Variants in GPR149 observed in about 807,000 individuals in gnomAD.
GPR149 encodes probable G protein-coupled receptor 149.
GPR149 carries 50 observed loss-of-function variants against 50.2 expected under a neutral mutation model. That is an observed-to-expected ratio of 1.00 (90% CI 0.79 to 1.26). The LOEUF (loss-of-function observed/expected upper bound fraction) is 1.26, where lower values mean the gene tolerates loss of function less well. Among genes scored for constraint, GPR149 ranks in the 50% most tolerant of loss-of-function variants. The pLI is 0.00. For synonymous variants in GPR149, 405 were observed against 358.2 expected, an observed-to-expected ratio of 1.13 and a Z score of -1.48; for missense variants, 983 against 895.4, an observed-to-expected ratio of 1.10 and a Z score of -1.25.
At chr3:154,419,542 A>C (rs1576930214) in intron 3 of GPR149, among the ~76,000 whole-genome samples, 1 of 152,092 alleles carries the variant, frequency 6.6e-6, no homozygotes, top group South Asian at 2.1e-4. Context: ...AAAATTAGCA[A>C]AGCTAAACAA....
At position 154,429,821 on chromosome 3, in the gene GPR149, TA is replaced by T. The variant is rs3075921; in HGVS notation, c.-207del. On this transcript the variant is annotated 5_prime_UTR_variant, in exon 1 of 4. An upstream open reading frame in the 5' UTR gains an earlier in-frame stop. Coordinates refer to ENST00000389740, the MANE Select transcript of GPR149 (RefSeq NM_001038705.3). ...TAAAAATTAGGTTCCATTTCAAGCA[TA>T]AAAAAAAAAAAACCCGAACAGATAA... 0.27 allele frequency: 88,699 copies of T among 325,606 alleles called. 6,238 individuals carry two copies. The highest frequency in any genetic ancestry group is 0.29 in the African/African-American group (13,054 of 44,356). The allele number at this position is 325,606 out of a possible 1,614,324, so 20.2% of individuals were successfully genotyped here.
intron 3 of GPR149, among the ~76,000 whole-genome samples, chr3:154,376,301 T>A (rs778059423): frequency 3.9e-5 from 6 of 152,250 alleles, no homozygotes; most frequent in Non-Finnish European, 8.8e-5. Context: ...AGAAGTCATA[T>A]GGTCAGGACT....
intron 1 of GPR149, 24 bp downstream of exon 1, chr3:154,428,611 C>T: frequency 6.3e-7 from 1 of 1,599,442 alleles, no homozygotes; most frequent in Non-Finnish European, 8.5e-7. Flanking sequence ...CACACTCGCG[C>T]TTTGTGAGCA....
intron 3 of GPR149, among the ~76,000 whole-genome samples, chr3:154,380,629 A>AT (rs11392802): frequency 0.96 from 145,727 of 152,148 alleles, 69,891 homozygotes; most frequent in East Asian, 1. Context: ...TCAAGGTCAA[A>AT]TTTTGTCCTT....
chr3:154,335,588 C>T lies in GPR149; in HGVS notation c.*2111G>A, dbSNP rs1713637417. ...TCCATTATACAGTTAATTCAACAAC[C>T]AAGGGCAATTAAATGGGAATATCCT... On this transcript the variant is annotated 3_prime_UTR_variant, in exon 4 of 4. Coordinates refer to ENST00000389740, the MANE Select transcript of GPR149 (RefSeq NM_001038705.3). 1 of 152,102 alleles carries T rather than the reference C, an allele frequency of 6.6e-6. No homozygotes were observed. Among genetic ancestry groups the T allele is most frequent in the South Asian group, 2.1e-4 (1 of 4,824 alleles). The allele number at this position is 152,102 out of a possible 1,614,324, so 9.4% of individuals were successfully genotyped here. A position where few individuals can be genotyped will look rare whatever the true frequency, so the allele number is the denominator to read the frequency against.
chr3:154,349,297 G>A (rs1473480892), intron 3 of GPR149, among the ~76,000 whole-genome samples: 1 of 151,948 alleles, frequency 6.6e-6, no homozygotes, highest in African/African-American at 2.4e-5. Context: ...AAAACAAAGA[G>A]GAAATTAATG....
intron 3 of GPR149, chr3:154,352,044 AC>A (rs758688410): frequency 7.4e-6 from 3 of 403,442 alleles, no homozygotes; most frequent in Non-Finnish European, 1.3e-5. Flanking sequence ...GCAGACACAT[AC>A]CTCAACTATC....
intron 3 of GPR149, chr3:154,354,725 CCTT>C (rs1714175591): frequency 6.3e-6 from 4 of 635,094 alleles, no homozygotes; most frequent in Non-Finnish European, 7.3e-6. Flanking sequence ...TTTTGCCTGT[CCTT>C]CTTCTGGCTC....
chr3:154,353,921 GCT>G (rs1559972001), intron 3 of GPR149: 1 of 525,704 alleles, frequency 1.9e-6, no homozygotes, highest in Admixed American at 2.9e-5. Flanking sequence ...ATAGGAGAAA[GCT>G]CTTTCTTTCT....
At chr3:154,344,659 A>G (rs1191586809) in intron 3 of GPR149, among the ~76,000 whole-genome samples, 1 of 152,198 alleles carries the variant, frequency 6.6e-6, no homozygotes, top group Non-Finnish European at 1.5e-5. Context: ...GGGGTAAGAC[A>G]GTCATGTGAA....
At chr3:154,411,875 T>C (rs1329554844) in intron 3 of GPR149, among the ~76,000 whole-genome samples, 1 of 151,882 alleles carries the variant, frequency 6.6e-6, no homozygotes, top group Non-Finnish European at 1.5e-5. Context: ...CTAATACCAA[T>C]ACCAGGGAAG....
In GPR149 at chr3:154,338,053, A is replaced by G; in HGVS notation, c.1842T>C (p.Ser614=). The G allele has an allele frequency of 6.2e-7, 1 of 1,614,188 alleles. No individual in the cohort carries two copies. Among genetic ancestry groups the G allele is most frequent in the Non-Finnish European group, 8.5e-7 (1 of 1,180,022 alleles). ...CAAGAACCTCCAAGTGTATTTTCAC[A>G]CTGGTGTCCACAAACGTGGATGAAG... ...EDSSSTFVDT[S]VKIHLEVLEI... is the part of the protein sequence containing the mutation. The change falls in exon 4 of 4, where the codon AGT becomes AGC. Residue 614 remains serine (S), a synonymous_variant. Transcript: ENST00000389740.
chr3:154,389,984 C>T (rs564697631), intron 3 of GPR149, among the ~76,000 whole-genome samples: 5 of 152,162 alleles, frequency 3.3e-5, no homozygotes, highest in South Asian at 4.1e-4. Flanking sequence ...GAGGCATTGA[C>T]ATCTGTCTTA....
chr3:154,379,863 T>A (rs562956089), intron 3 of GPR149, among the ~76,000 whole-genome samples: 1 of 152,238 alleles, frequency 6.6e-6, no homozygotes, highest in South Asian at 2.1e-4. Flanking sequence ...TGAAGTCAGA[T>A]AGTGTAAGTT....
intron 3 of GPR149, among the ~76,000 whole-genome samples, chr3:154,363,768 C>A (rs936887352): frequency 3.9e-5 from 6 of 152,258 alleles, no homozygotes; most frequent in Admixed American, 6.5e-5. Flanking sequence ...TCCAAAGGTG[C>A]TTTTTCCAAG....
intron 3 of GPR149, among the ~76,000 whole-genome samples, chr3:154,384,019 G>A (rs560328025): frequency 3.9e-4 from 60 of 152,080 alleles, no homozygotes; most frequent in African/African-American, 1.4e-3. Context: ...TAAGCTATTC[G>A]GAGGAAATAA....
rs747593917 is a variant in GPR149, at chr3:154,421,194, C to T, written c.1468G>A (p.Asp490Asn). 3 of 1,613,446 alleles carry T rather than the reference C, an allele frequency of 1.9e-6. No individual in the cohort carries two copies. The highest frequency in any genetic ancestry group is 1.3e-5 in the African/African-American group (1 of 74,962). Residue 490 changes from aspartate to asparagine, a missense_variant, in exon 3 of 4, where the codon GAT (aspartate) becomes AAT (asparagine). Coordinates refer to ENST00000389740, the MANE Select transcript of GPR149 (RefSeq NM_001038705.3). ...EAKQDSNNKK[D>N]AFSDKTGGDI... ...CCTCCTGTTTTGTCAGAAAACGCAT[C>T]CTTTTTGTTGTTGGAATCCTGTTTA...
intron 3 of GPR149, among the ~76,000 whole-genome samples, chr3:154,366,171 TGACAAAAAGG>T (rs1714525777): frequency 1.3e-5 from 2 of 152,086 alleles, no homozygotes; most frequent in Non-Finnish European, 2.9e-5. Flanking sequence ...TTCTCAGCCA[TGACAAAAAGG>T]GAGGTCAGAC....
chr3:154,389,033 T>G (rs1515645), intron 3 of GPR149, among the ~76,000 whole-genome samples: 1 of 151,988 alleles, frequency 6.6e-6, no homozygotes, highest in Non-Finnish European at 1.5e-5. Flanking sequence ...TAGGAAAATA[T>G]GGGAGAAAGT....
Sources: gnomAD v4.1 joint callset for allele counts (sites outside exome capture counted in the v4.1 genomes callset) on GRCh38, gnomAD v4.1.1 for gene constraint, MANE v1.5 for transcripts, NCBI Gene and HGNC (gene_info 2026-07-23, HGNC 2026-07-21) for gene names.